Variants in KMT2A observed in about 807,000 individuals in gnomAD.
KMT2A encodes lysine methyltransferase 2A, also known as histone-lysine N-methyltransferase 2A.
In KMT2A, 16 loss-of-function variants were observed where a neutral mutation model predicts 345.3. The ratio of observed to expected loss-of-function variants is 0.05; its 90% CI spans 0.03 to 0.07. The LOEUF is 0.07. Ranked by LOEUF, KMT2A falls within the 10% of genes least tolerant of loss-of-function variation. The probability of loss-of-function intolerance (pLI) is 1.00; values close to 1 mark genes in which losing one functional copy is unlikely to be tolerated. For synonymous variants in KMT2A, 1,599 were observed against 1,778.6 expected, an observed-to-expected ratio of 0.90 and a Z score of 2.54; for missense variants, 3,272 against 4,841.6, an observed-to-expected ratio of 0.68 and a Z score of 9.62.
At chr11:118,468,318 A>C (rs1396038165) in intron 1 of KMT2A, among the ~76,000 whole-genome samples, 14 of 152,214 alleles carry the variant, frequency 9.2e-5, no homozygotes, top group African/African-American at 3.4e-4. Flanking sequence ...AGTCTCTATT[A>C]ATATTTAGAA....
intron 1 of KMT2A, among the ~76,000 whole-genome samples, chr11:118,443,184 A>G (rs550853346): frequency 2.8e-4 from 43 of 152,302 alleles, no homozygotes; most frequent in African/African-American, 9.9e-4. Context: ...GAGGTAGATT[A>G]TGCTGGGAAT....
intron 1 of KMT2A, among the ~76,000 whole-genome samples, chr11:118,460,436 AC>A (rs141105330): frequency 0.021 from 3,253 of 151,798 alleles, 44 homozygotes; most frequent in Non-Finnish European, 0.033. Flanking sequence ...ACAGGCATGC[AC>A]CAGCACACCC....
chr11:118,448,815 T>G (rs1949472973), intron 1 of KMT2A: 1 of 152,218 alleles, frequency 6.6e-6, no homozygotes, highest in Admixed American at 6.5e-5. Context: ...TTGCAGGAAT[T>G]CTGCAATTGT....
rs781871346 is a variant in KMT2A, at chr11:118,488,585, ACTTCTATCTTC to A, written c.4333-27_4333-17del. On this transcript the variant is annotated intron_variant, in intron 10 of 35. Transcript: ENST00000534358. ...TGTTTTTCTACATATTATTTGACATACTTCTATCTTCCCATGTTCTTACTATAGTTTGTGTA... is the reference window on the plus strand; with the variant it reads ...TGTTTTTCTACATATTATTTGACATACCATGTTCTTACTATAGTTTGTGTA... The A allele has an allele frequency of 6.2e-7, 1 of 1,604,264 alleles. No individual in the cohort carries two copies. Among genetic ancestry groups the A allele is most frequent in the Non-Finnish European group, 8.5e-7 (1 of 1,171,264 alleles).
At chr11:118,461,590 C>T (rs868971253) in intron 1 of KMT2A, among the ~76,000 whole-genome samples, 2 of 152,130 alleles carry the variant, frequency 1.3e-5, no homozygotes, top group Admixed American at 6.5e-5. Context: ...CTGTGCTCAT[C>T]AGAGTAGGCC....
At chr11:118,514,019 C>T (rs1950751160) in intron 31 of KMT2A, among the ~76,000 whole-genome samples, 2 of 150,614 alleles carry the variant, frequency 1.3e-5, no homozygotes, top group Admixed American at 6.6e-5. Flanking sequence ...ATATAAGTCA[C>T]ATCCCTTTCT....
At position 118,493,096 on chromosome 11, in the gene KMT2A, A is replaced by C; in HGVS notation, c.5044A>C (p.Ser1682Arg). ...AGACTTAAATCCCGAGACAGAGGAG[A>C]GTATACCTTCCCGCAGCTCCCCCGA... The part of the protein sequence containing the change: ...PPDLNPETEE[S>R]IPSRSSPEGP... The change falls in exon 16 of 36, where the codon AGT (serine) becomes CGT (arginine). Residue 1682 changes from serine (S) to arginine (R), a missense_variant. Ser to Arg is a moderately radical substitution (Grantham distance 110, BLOSUM62 -1). Transcript: ENST00000534358. This position sits in a 1 kb window ranked among gnomAD's most constrained non-coding sequence, Gnocchi z 5.8. 6.2e-7 allele frequency: 1 copy of C among 1,614,010 alleles called. No individual in the cohort carries two copies. The highest frequency in any genetic ancestry group is 8.5e-7 in the Non-Finnish European group (1 of 1,179,916).
At chr11:118,482,373 A>C in intron 7 of KMT2A, 49 bp from the exon 8 acceptor site, 2 of 1,327,092 alleles carry the variant, frequency 1.5e-6, no homozygotes, top group Non-Finnish European at 2.2e-6. Context: ...AGTCAGTACT[A>C]AAGTAGTCGT....
At position 118,493,316 on chromosome 11, in the gene KMT2A, A is replaced by G. The variant is rs542311386; in HGVS notation, c.5178+86A>G. 6.5e-6 allele frequency: 7 copies of G among 1,069,900 alleles called. No homozygotes were observed. In the African/African-American group the frequency reaches 1.1e-4, roughly 17 times the overall value. The allele number at this position is 1,069,900 out of a possible 1,614,324, so 66.3% of individuals were successfully genotyped here. A position where few individuals can be genotyped will look rare whatever the true frequency, so the allele number is the denominator to read the frequency against. ...GGGGCATGAAACTGAGTATAAGTAAATTTAAAAATGAATTGTATTATATTT... is the reference window on the plus strand; with the variant it reads ...GGGGCATGAAACTGAGTATAAGTAAGTTTAAAAATGAATTGTATTATATTT... On this transcript the variant is annotated intron_variant, in intron 16 of 35. Transcript: ENST00000534358. The surrounding 1 kb of genome is among the most constrained non-coding windows in gnomAD (Gnocchi z 5.8).
intron 1 of KMT2A, among the ~76,000 whole-genome samples, chr11:118,454,713 G>A (rs1949607124): frequency 2.0e-5 from 3 of 152,124 alleles, no homozygotes; most frequent in Admixed American, 2.0e-4. Context: ...GTAAGTCAGG[G>A]ACTGTCTGTC....
Position 118,493,551 on chromosome 11 carries a change from T to C in KMT2A, c.5178+321T>C, listed in dbSNP as rs1469325110. Among the ~76,000 whole-genome samples, 2 of 152,194 alleles carry C rather than the reference T, an allele frequency of 1.3e-5. No individual in the cohort carries two copies. The highest frequency in any genetic ancestry group is 2.4e-5 in the African/African-American group (1 of 41,456). ...ATGCTAATATGAAATTAATTGGTTC[T>C]CCCTCCCCTTTTGAGATCAGATCTG... On this transcript the variant is annotated intron_variant, in intron 16 of 35. Coordinates refer to ENST00000534358, the MANE Select transcript of KMT2A (RefSeq NM_001197104.2). The surrounding 1 kb of genome is among the most constrained non-coding windows in gnomAD (Gnocchi z 5.8).
rs1410367075 is a variant in KMT2A, at chr11:118,506,037, G to A, written c.10145G>A (p.Ser3382Asn). ...LLGTPDIGSISNLLIKASQQS... is the reference protein window; with the variant it reads ...LLGTPDIGSINNLLIKASQQS... ...GGTACCCCAGATATTGGCTCAATAA[G>A]CAATCTTTTAATCAAAGCTAGCCAG... Residue 3382 changes from serine to asparagine, a missense_variant, in exon 27 of 36, where the codon AGC becomes AAC. Ser to Asn is a conservative substitution (Grantham distance 46). This residue lies in a region of KMT2A where 748 missense variants were observed against 922.2 expected (regional missense o/e 0.81). Transcript: ENST00000534358. 2 of 1,614,052 alleles carry A rather than the reference G, an allele frequency of 1.2e-6. No individual in the cohort carries two copies. Among genetic ancestry groups the A allele is most frequent in the Non-Finnish European group, 1.7e-6 (2 of 1,180,048 alleles).
At chr11:118,439,158 C>CAAAAAAAAAAAA in intron 1 of KMT2A, 24 of 265,434 alleles carry the variant, frequency 9.0e-5, no homozygotes, top group East Asian at 2.8e-4. Flanking sequence ...GATACAGCAG[C>CAAAAAAAAAAAA]AAAAAAAAAA....
rs1950559679 is a variant in KMT2A, at chr11:118,505,137, T to C, written c.9245T>C (p.Ile3082Thr). ...CTGAAGCCAGCCACTGAGAAACTCATAGTTGTTAACCAGAACATGCAGCCA... is the reference window on the plus strand; with the variant it reads ...CTGAAGCCAGCCACTGAGAAACTCACAGTTGTTAACCAGAACATGCAGCCA... ...PHLKPATEKL[I>T]VVNQNMQPLY... Residue 3082 changes from isoleucine to threonine, a missense_variant, in exon 27 of 36, where the codon ATA becomes ACA. Around this residue, in one of 27 missense-constraint regions of KMT2A, gnomAD observed 748 missense variants for 922.2 expected, o/e 0.81. Transcript: ENST00000534358. This position sits in a 1 kb window ranked among gnomAD's most constrained non-coding sequence, Gnocchi z 4.6. The C allele has an allele frequency of 6.2e-7, 1 of 1,614,072 alleles. No individual in the cohort carries two copies. Among genetic ancestry groups the C allele is most frequent in the Admixed American group, 1.7e-5 (1 of 59,990 alleles).
intron 1 of KMT2A, among the ~76,000 whole-genome samples, chr11:118,446,846 T>C (rs1949432083): frequency 6.6e-6 from 1 of 152,190 alleles, no homozygotes; most frequent in Admixed American, 6.5e-5. Flanking sequence ...AAATTTCAGA[T>C]TCTCAGCGCT....
rs782427196 is a variant in KMT2A at position 118,474,126 on chromosome 11, C to T, written c.2967C>T (p.Leu989=). The part of the protein sequence containing the change: ...TAPSLEKEKT[L]CLSTPSSSTV... ...CATCCCTGGAGAAGGAGAAAACCCT[C>T]TGCCTTTCCACTCCTTCATCTAGCA... The change falls in exon 3 of 36, where the codon CTC becomes CTT. Residue 989 remains leucine (L), a synonymous_variant. Coordinates refer to ENST00000534358, the MANE Select transcript of KMT2A (RefSeq NM_001197104.2). The T allele has an allele frequency of 1.9e-6, 3 of 1,614,220 alleles. No individual in the cohort carries two copies. Among genetic ancestry groups the T allele is most frequent in the South Asian group, 1.1e-5 (1 of 91,084 alleles).
intron 7 of KMT2A, 96 bp downstream of exon 7, chr11:118,482,188 T>C: frequency 2.2e-6 from 3 of 1,359,336 alleles, no homozygotes; most frequent in South Asian, 3.0e-5. Context: ...AAATGTATGA[T>C]TTGAAGTCTT....
chr11:118,500,635 C>T (rs1252476782), intron 24 of KMT2A: 1 of 163,170 alleles, frequency 6.1e-6, no homozygotes, highest in African/African-American at 2.4e-5. Context: ...TCAGGCCGTA[C>T]TTTGTATACA....
intron 31 of KMT2A, among the ~76,000 whole-genome samples, chr11:118,513,937 C>CAAAA (rs1178939991): frequency 6.3e-5 from 3 of 47,338 alleles, no homozygotes; most frequent in African/African-American, 1.7e-4. Context: ...GACCCTGTCT[C>CAAAA]AAAAAAAAAA....
Sources: allele counts gnomAD v4.1 joint callset (sites outside exome capture counted in the v4.1 genomes callset), GRCh38; gene constraint gnomAD v4.1.1; regional missense constraint gnomAD v4.1.1; non-coding constraint Gnocchi (gnomAD v3.1); transcripts MANE v1.5; gene names NCBI Gene and HGNC (gene_info 2026-07-23, HGNC 2026-07-21).